Variants in PRR16 observed in about 807,000 individuals in gnomAD.
PRR16 encodes proline rich 16.
A neutral mutation model predicts 18.2 loss-of-function variants in PRR16; 6 were observed. The observed-to-expected ratio is 0.33, with a 90% confidence interval of 0.18 to 0.65. PRR16 has a LOEUF of 0.65. Among genes scored for constraint, PRR16 ranks in the 30% least tolerant of loss-of-function variants. PRR16 has a pLI of 0.74. For synonymous variants in PRR16, 151 were observed against 147.8 expected (o/e 1.02, Z -0.16); for missense variants, 412 against 376.6 (o/e 1.09, Z -0.78).
chr5:120,647,929 A>T (rs1337851521), intron 1 of PRR16, among the ~76,000 whole-genome samples: 1 of 152,108 alleles, frequency 6.6e-6, no homozygotes, highest in African/African-American at 2.4e-5. Flanking sequence ...TACAGCAATA[A>T]ATGCATATTT....
the PRR16 span, among the ~76,000 whole-genome samples, chr5:120,719,534 T>C: frequency 6.6e-6 from 1 of 152,172 alleles, no homozygotes; most frequent in African/African-American, 2.4e-5. Context: ...GATTCTGGAC[T>C]TGTTGCTGAT....
the PRR16 span, among the ~76,000 whole-genome samples, chr5:120,789,131 CCT>C: frequency 2.0e-5 from 3 of 151,982 alleles, no homozygotes; most frequent in African/African-American, 7.2e-5. Flanking sequence ...TAAAGGCATT[CCT>C]CTGTCTCTGA....
the PRR16 span, among the ~76,000 whole-genome samples, chr5:120,732,076 A>C: frequency 6.4e-3 from 972 of 152,300 alleles, 18 homozygotes; most frequent in African/African-American, 0.022. Flanking sequence ...AAAACCAAAA[A>C]GACATTGCAC....
chr5:120,617,616 T>C (rs1051144692), intron 1 of PRR16, among the ~76,000 whole-genome samples: 1 of 152,148 alleles, frequency 6.6e-6, no homozygotes, highest in Non-Finnish European at 1.5e-5. Flanking sequence ...ACAAAATCAG[T>C]TTACATTTTG....
the PRR16 span, among the ~76,000 whole-genome samples, chr5:120,780,631 C>G: frequency 6.6e-6 from 1 of 152,122 alleles, no homozygotes; most frequent in Admixed American, 6.5e-5. Context: ...CAAATTAAGT[C>G]TGAGCTAGGC....
the PRR16 span, among the ~76,000 whole-genome samples, chr5:120,701,340 G>C: frequency 6.6e-6 from 1 of 152,164 alleles, no homozygotes; most frequent in African/African-American, 2.4e-5. Flanking sequence ...TTAGGGTCTA[G>C]GGCTGTAAAG....
intron 1 of PRR16, among the ~76,000 whole-genome samples, chr5:120,577,075 G>C (rs1580743938): frequency 6.6e-6 from 1 of 151,268 alleles, no homozygotes; most frequent in East Asian, 1.9e-4. Context: ...TTTAAGCATG[G>C]GTGAATTTCA....
At chr5:120,783,458 T>C in the PRR16 span, among the ~76,000 whole-genome samples, 1 of 152,260 alleles carries the variant, frequency 6.6e-6, no homozygotes. Context: ...TAGAATGGCA[T>C]CATGTTTTAA....
chr5:120,630,876 T>A (rs768927450), intron 1 of PRR16, among the ~76,000 whole-genome samples: 1 of 152,246 alleles, frequency 6.6e-6, no homozygotes, highest in Non-Finnish European at 1.5e-5. Context: ...TTTAAGTAAA[T>A]CTAGATACGC....
chr5:120,562,338 T>A (rs142528526), intron 1 of PRR16, among the ~76,000 whole-genome samples: 1 of 152,154 alleles, frequency 6.6e-6, no homozygotes, highest in Non-Finnish European at 1.5e-5. Context: ...GAACATTTTT[T>A]ATCATCCCTT....
the PRR16 span, among the ~76,000 whole-genome samples, chr5:120,752,475 C>T: frequency 6.6e-6 from 1 of 151,930 alleles, no homozygotes; most frequent in East Asian, 1.9e-4. Flanking sequence ...GACATTTTCT[C>T]ATCTTGCTGT....
chr5:120,652,332 T>G (rs935918564), intron 1 of PRR16, among the ~76,000 whole-genome samples: 1 of 152,134 alleles, frequency 6.6e-6, no homozygotes, highest in African/African-American at 2.4e-5. Flanking sequence ...GCAGTCATGA[T>G]ATACTTTGGA....
chr5:120,718,415 T>C, the PRR16 span, among the ~76,000 whole-genome samples: 23 of 152,148 alleles, frequency 1.5e-4, no homozygotes, highest in African/African-American at 4.1e-4. Flanking sequence ...TTTTAATCTT[T>C]ATTTCAACTC....
At chr5:120,689,990 T>C (rs1160661874), downstream of PRR16, among the ~76,000 whole-genome samples, 1 of 152,150 alleles carries the variant, frequency 6.6e-6, no homozygotes, top group Non-Finnish European at 1.5e-5. Flanking sequence ...TTCACTCTTC[T>C]GATTTGACGT....
chr5:120,536,036 AT>A (rs1337443232), intron 1 of PRR16, among the ~76,000 whole-genome samples: 1 of 152,212 alleles, frequency 6.6e-6, no homozygotes, highest in Non-Finnish European at 1.5e-5. Context: ...CAATTATCTC[AT>A]GTTTAGTCAC....
At chr5:120,471,432 C>T (rs1479440126) in intron 1 of PRR16, among the ~76,000 whole-genome samples, 1 of 152,002 alleles carries the variant, frequency 6.6e-6, no homozygotes, top group Non-Finnish European at 1.5e-5. Flanking sequence ...GAGGCACTAT[C>T]CTTAAGTTTT....
intron 1 of PRR16, among the ~76,000 whole-genome samples, chr5:120,652,553 G>A (rs73784833): frequency 6.6e-6 from 1 of 151,918 alleles, no homozygotes; most frequent in Non-Finnish European, 1.5e-5. Context: ...TCCCTCTGTG[G>A]TCTTCTCAAA....
chr5:120,487,556 A>G (rs574864194), intron 1 of PRR16, among the ~76,000 whole-genome samples: 96 of 152,150 alleles, frequency 6.3e-4, no homozygotes, highest in African/African-American at 2.2e-3. Context: ...GGCTGAGACG[A>G]TGGGGTTTTC....
chr5:120,538,625 G>A (rs1751805283), intron 1 of PRR16, among the ~76,000 whole-genome samples: 1 of 152,154 alleles, frequency 6.6e-6, no homozygotes, highest in Non-Finnish European at 1.5e-5. Context: ...GAATTTCTCA[G>A]AAATAAAAGA....
Sources: allele counts gnomAD v4.1 joint callset (sites outside exome capture counted in the v4.1 genomes callset), GRCh38; gene constraint gnomAD v4.1.1; transcripts MANE v1.5; gene names NCBI Gene and HGNC (gene_info 2026-07-23, HGNC 2026-07-21).